Variants in TPBGL observed in about 807,000 individuals in gnomAD.
TPBGL encodes trophoblast glycoprotein-like.
For synonymous variants in TPBGL, 380 were observed against 314.8 expected (o/e 1.21, Z -2.19); for missense variants, 685 against 609.4 (o/e 1.12, Z -1.31).
In TPBGL at chr11:75,241,523, C is replaced by G; in HGVS notation, c.474C>G (p.Pro158=). ...QLNHALVRGG[P]ALLAALDAAL... ...ACCACGCGCTGGTGCGCGGCGGCCC[C>G]GCGCTGCTGGCCGCGCTGGACGCTG... Residue 158 remains proline, a synonymous_variant, in exon 1 of 1, where the codon CCC becomes CCG. Transcript: ENST00000562197. 8.2e-7 allele frequency: 1 copy of G among 1,215,766 alleles called. No homozygotes were observed. Among genetic ancestry groups the G allele is most frequent in the South Asian group, 2.9e-5 (1 of 34,544 alleles). 75.3% of individuals were successfully genotyped at this position (1,215,766 alleles called of 1,614,324 possible).
In TPBGL at chr11:75,241,010, G is replaced by A. The variant is rs146907924; in HGVS notation, c.-40G>A. Reference sequence around the variant, plus strand: ...CACCAGGCGCTCCCAACTCACTGGTGAGCGCGGCGGCCCGGGCGCTGGATG... The same window carrying A: ...CACCAGGCGCTCCCAACTCACTGGTAAGCGCGGCGGCCCGGGCGCTGGATG... On this transcript the variant is annotated 5_prime_UTR_variant, in exon 1 of 1. Transcript: ENST00000562197. The A allele has an allele frequency of 6.6e-4, 792 of 1,201,188 alleles. 8 individuals carry two copies. The African/African-American group carries it at 0.012, about 18-fold the overall frequency. The allele number at this position is 1,201,188 out of a possible 1,614,324, so 74.4% of individuals were successfully genotyped here.
In TPBGL at chr11:75,241,523, C is replaced by T; in HGVS notation, c.474C>T (p.Pro158=). ...QLNHALVRGG[P]ALLAALDAAL... Reference sequence around the variant, plus strand: ...ACCACGCGCTGGTGCGCGGCGGCCCCGCGCTGCTGGCCGCGCTGGACGCTG... The same window carrying T: ...ACCACGCGCTGGTGCGCGGCGGCCCTGCGCTGCTGGCCGCGCTGGACGCTG... Residue 158 remains proline, a synonymous_variant, in exon 1 of 1, where the codon CCC becomes CCT. Coordinates refer to ENST00000562197, the MANE Select transcript of TPBGL (RefSeq NM_001195528.2). 8.2e-7 allele frequency: 1 copy of T among 1,215,766 alleles called. No homozygotes were observed. Among genetic ancestry groups the T allele is most frequent in the Non-Finnish European group, 1.0e-6 (1 of 978,964 alleles). 75.3% of individuals were successfully genotyped at this position (1,215,766 alleles called of 1,614,324 possible).
chr11:75,241,670 G>A lies in TPBGL; in HGVS notation c.621G>A (p.Leu207=). 1 of 1,305,698 alleles carries A rather than the reference G, an allele frequency of 7.7e-7. No individual in the cohort carries two copies. The allele number at this position is 1,305,698 out of a possible 1,614,324, so 80.9% of individuals were successfully genotyped here. A position where few individuals can be genotyped will look rare whatever the true frequency, so the allele number is the denominator to read the frequency against. ...LEQLDVRLNA[L]AGLDPDELRA... is the part of the protein sequence containing the mutation. ...AGCTGGACGTGCGCCTCAACGCGCT[G>A]GCCGGCCTGGACCCCGACGAGCTGC... is the stretch of plus-strand genomic sequence containing the variant. Residue 207 remains leucine, a synonymous_variant, in exon 1 of 1, where the codon CTG becomes CTA. Transcript: ENST00000562197.
Position 75,241,521 on chromosome 11 carries a change from C to CCCGCGCTGCTGG in TPBGL, c.481_492dup (p.Leu161_Leu164dup). ...CAACCACGCGCTGGTGCGCGGCGGC[C>CCCGCGCTGCTGG]CCGCGCTGCTGGCCGCGCTGGACGC... On this transcript the variant is annotated inframe_insertion, in exon 1 of 1. Transcript: ENST00000562197. 8.2e-7 allele frequency: 1 copy of CCCGCGCTGCTGG among 1,216,662 alleles called. No individual in the cohort carries two copies. 75.4% of individuals were successfully genotyped at this position (1,216,662 alleles called of 1,614,324 possible).
In TPBGL at chr11:75,243,057, C is replaced by T. The variant is rs1195368986; in HGVS notation, c.*859C>T. 1 of 151,980 alleles carries T rather than the reference C, an allele frequency of 6.6e-6. No homozygotes were observed. Among genetic ancestry groups the T allele is most frequent in the African/African-American group, 2.4e-5 (1 of 41,320 alleles). 9.4% of individuals were successfully genotyped at this position (151,980 alleles called of 1,614,324 possible). On this transcript the variant is annotated 3_prime_UTR_variant, in exon 1 of 1. Transcript: ENST00000562197. ...ACCCAATGCTGGCACTCAGCACCCA[C>T]CCCTGCCATTCACTAGTCAAGGTCC...
At position 75,243,655 on chromosome 11, in the gene TPBGL, T is replaced by G. The variant is rs1945620939; in HGVS notation, c.*1457T>G. On this transcript the variant is annotated 3_prime_UTR_variant, in exon 1 of 1. Transcript: ENST00000562197. The stretch of plus-strand genomic sequence containing the variant: ...CCTCCCCATACCCAGAAAATCTGGA[T>G]CTCCCTTGAGCAGTTTTCTATAAAG... The G allele has an allele frequency of 1.3e-5, 2 of 152,178 alleles. No homozygotes were observed. The highest frequency in any genetic ancestry group is 2.9e-5 in the Non-Finnish European group (2 of 68,060). The allele number at this position is 152,178 out of a possible 1,614,324, so 9.4% of individuals were successfully genotyped here. A position where few individuals can be genotyped will look rare whatever the true frequency, so the allele number is the denominator to read the frequency against.
chr11:75,241,786 TG>T lies in TPBGL; in HGVS notation c.739del (p.Ala247ProfsTer25). The T allele has an allele frequency of 1.5e-6, 2 of 1,313,078 alleles. No homozygotes were observed. Among genetic ancestry groups the T allele is most frequent in the Non-Finnish European group, 1.9e-6 (2 of 1,030,372 alleles). The allele number at this position is 1,313,078 out of a possible 1,614,324, so 81.3% of individuals were successfully genotyped here. A position where few individuals can be genotyped will look rare whatever the true frequency, so the allele number is the denominator to read the frequency against. ...LRCGCAARPL[L>X]AWLRNATERV... ...TGCGGCTGTGCCGCACGCCCCCTGC[TG>T]GCCTGGCTGCGCAACGCCACGGAGC... On this transcript the variant is annotated frameshift_variant, in exon 1 of 1. Coordinates refer to ENST00000562197, the MANE Select transcript of TPBGL (RefSeq NM_001195528.2). LOFTEE classifies it low-confidence loss of function (END_TRUNC).
rs1316486240 is a variant in TPBGL, at chr11:75,240,932, C to G, written c.-118C>G. On this transcript the variant is annotated 5_prime_UTR_variant, in exon 1 of 1. Coordinates refer to ENST00000562197, the MANE Select transcript of TPBGL (RefSeq NM_001195528.2). The stretch of plus-strand genomic sequence containing the variant: ...CAGACTTTCGAGACAGCGAACGGAC[C>G]GACCGGGACTGCCAGCCGCTCCGGG... 1.4e-6 allele frequency: 1 copy of G among 698,726 alleles called. No individual in the cohort carries two copies. Among genetic ancestry groups the G allele is most frequent in the Non-Finnish European group, 1.9e-6 (1 of 519,058 alleles). The allele number at this position is 698,726 out of a possible 1,614,324, so 43.3% of individuals were successfully genotyped here.
In TPBGL at chr11:75,242,529, G is replaced by C. The variant is rs59905687; in HGVS notation, c.*331G>C. ...CCCTGTGCTTGGAGCTCCGACACCC[G>C]AGACTGCACTGACCTCCCTCGCCAG... On this transcript the variant is annotated 3_prime_UTR_variant, in exon 1 of 1. Coordinates refer to ENST00000562197, the MANE Select transcript of TPBGL (RefSeq NM_001195528.2). 6.4e-6 allele frequency: 1 copy of C among 155,624 alleles called. No homozygotes were observed. Among genetic ancestry groups the C allele is most frequent in the African/African-American group, 2.4e-5 (1 of 41,488 alleles). 9.6% of individuals were successfully genotyped at this position (155,624 alleles called of 1,614,324 possible). A position where few individuals can be genotyped will look rare whatever the true frequency, so the allele number is the denominator to read the frequency against.
rs1299382710 is a variant in TPBGL, at chr11:75,242,505, C to A, written c.*307C>A. ...AAGCTCTGAGACTTGCCCCCAGCACCCTGTGCTTGGAGCTCCGACACCCGA... is the reference window on the plus strand; with the variant it reads ...AAGCTCTGAGACTTGCCCCCAGCACACTGTGCTTGGAGCTCCGACACCCGA... On this transcript the variant is annotated 3_prime_UTR_variant, in exon 1 of 1. Coordinates refer to ENST00000562197, the MANE Select transcript of TPBGL (RefSeq NM_001195528.2). 1 of 165,534 alleles carries A rather than the reference C, an allele frequency of 6.0e-6. No individual in the cohort carries two copies. The highest frequency in any genetic ancestry group is 1.3e-5 in the Non-Finnish European group (1 of 79,366). The allele number at this position is 165,534 out of a possible 1,614,324, so 10.3% of individuals were successfully genotyped here.
chr11:75,242,128 AC>A lies in TPBGL; in HGVS notation c.1082del (p.Pro361ArgfsTer49). The A allele has an allele frequency of 8.1e-7, 1 of 1,239,982 alleles. No individual in the cohort carries two copies. The allele number at this position is 1,239,982 out of a possible 1,614,324, so 76.8% of individuals were successfully genotyped here. On this transcript the variant is annotated frameshift_variant, in exon 1 of 1. Transcript: ENST00000562197. LOFTEE classifies it high-confidence loss of function. ...GYHYRYEQDADPRRAPAPAAP... is the reference protein window; with the variant it reads ...GYHYRYEQDAXPRRAPAPAAP... Reference sequence around the variant, plus strand: ...CACTACCGCTACGAGCAGGACGCCGACCCGCGCCGCGCGCCCGCGCCCGCCG... The same window carrying A: ...CACTACCGCTACGAGCAGGACGCCGACCGCGCCGCGCGCCCGCGCCCGCCG...
chr11:75,242,084 G>C lies in TPBGL; in HGVS notation c.1035G>C (p.Arg345=). ...RWMRNLREAC[R]DQMEGYHYRY... ...TGCGCAACCTGCGCGAGGCGTGCCGGGACCAGATGGAGGGCTACCACTACC... is the reference window on the plus strand; with the variant it reads ...TGCGCAACCTGCGCGAGGCGTGCCGCGACCAGATGGAGGGCTACCACTACC... The change falls in exon 1 of 1, where the codon CGG becomes CGC. Residue 345 remains arginine (R), a synonymous_variant. Transcript: ENST00000562197. 2.1e-6 allele frequency: 3 copies of C among 1,434,234 alleles called. No individual in the cohort carries two copies. Among genetic ancestry groups the C allele is most frequent in the Non-Finnish European group, 1.8e-6 (2 of 1,089,720 alleles). 88.8% of individuals were successfully genotyped at this position (1,434,234 alleles called of 1,614,324 possible). A position where few individuals can be genotyped will look rare whatever the true frequency, so the allele number is the denominator to read the frequency against.
rs898071215 is a variant in TPBGL at position 75,242,407 on chromosome 11, A to G, written c.*209A>G. The G allele has an allele frequency of 2.1e-6, 1 of 470,422 alleles. No individual in the cohort carries two copies. The highest frequency in any genetic ancestry group is 2.1e-5 in the African/African-American group (1 of 46,912). The allele number at this position is 470,422 out of a possible 1,614,324, so 29.1% of individuals were successfully genotyped here. On this transcript the variant is annotated 3_prime_UTR_variant, in exon 1 of 1. Coordinates refer to ENST00000562197, the MANE Select transcript of TPBGL (RefSeq NM_001195528.2). Reference sequence around the variant, plus strand: ...CCGCCTGCCCACCCTAGTTTCCGAAACCTCCCTCCTGAACCACTGAAAGTC... The same window carrying G: ...CCGCCTGCCCACCCTAGTTTCCGAAGCCTCCCTCCTGAACCACTGAAAGTC...
In TPBGL at chr11:75,241,832, C is replaced by CCTGCG. The variant is rs1945602518; in HGVS notation, c.790_794dup (p.Arg268ProfsTer6). 7.8e-7 allele frequency: 1 copy of CCTGCG among 1,285,138 alleles called. No homozygotes were observed. The highest frequency in any genetic ancestry group is 9.8e-7 in the Non-Finnish European group (1 of 1,021,752). The allele number at this position is 1,285,138 out of a possible 1,614,324, so 79.6% of individuals were successfully genotyped here. A position where few individuals can be genotyped will look rare whatever the true frequency, so the allele number is the denominator to read the frequency against. On this transcript the variant is annotated frameshift_variant, in exon 1 of 1. Coordinates refer to ENST00000562197, the MANE Select transcript of TPBGL (RefSeq NM_001195528.2). LOFTEE classifies it low-confidence loss of function (END_TRUNC). ...CGGAGCGCGTGCCCGACTCGCGGCGCCTGCGCTGCGCCGCCCCGCGGGCGC... is the reference window on the plus strand; with the variant it reads ...CGGAGCGCGTGCCCGACTCGCGGCGCCTGCGCTGCGCTGCGCCGCCCCGCGGGCGC...
chr11:75,241,689 G>T lies in TPBGL; in HGVS notation c.640G>T (p.Glu214Ter). Residue 214 changes from glutamate to a stop codon, truncating the protein, a stop_gained, in exon 1 of 1, where the codon GAG (glutamate) becomes TAG (stop). Coordinates refer to ENST00000562197, the MANE Select transcript of TPBGL (RefSeq NM_001195528.2). LOFTEE classifies it low-confidence loss of function (END_TRUNC). ...CGCGCTGGCCGGCCTGGACCCCGAC[G>T]AGCTGCGCGCGCTGGAGCGCGATGG... Reference protein sequence around the residue: ...LNALAGLDPDELRALERDGGL... With the variant: ...LNALAGLDPD 7.8e-7 allele frequency: 1 copy of T among 1,274,870 alleles called. No homozygotes were observed. Among genetic ancestry groups the T allele is most frequent in the South Asian group, 2.0e-5 (1 of 50,852 alleles). The allele number at this position is 1,274,870 out of a possible 1,614,324, so 79.0% of individuals were successfully genotyped here.
chr11:75,243,219 G>A lies in TPBGL; in HGVS notation c.*1021G>A, dbSNP rs1030341254. 1.5e-4 allele frequency: 23 copies of A among 152,400 alleles called. No individual in the cohort carries two copies. The highest frequency in any genetic ancestry group is 5.5e-4 in the African/African-American group (23 of 41,540). The allele number at this position is 152,400 out of a possible 1,614,324, so 9.4% of individuals were successfully genotyped here. ...TCCTTGTAGGGAAGGAGAGAGTCTT[G>A]GGTGTGTGAAAGGGATAGTGGGGCA... On this transcript the variant is annotated 3_prime_UTR_variant, in exon 1 of 1. Coordinates refer to ENST00000562197, the MANE Select transcript of TPBGL (RefSeq NM_001195528.2).
chr11:75,241,514 C>T lies in TPBGL; in HGVS notation c.465C>T (p.Arg155=), dbSNP rs1235893010. The T allele has an allele frequency of 3.3e-6, 4 of 1,213,620 alleles. No homozygotes were observed. Among genetic ancestry groups the T allele is most frequent in the Admixed American group, 4.6e-5 (1 of 21,868 alleles). 75.2% of individuals were successfully genotyped at this position (1,213,620 alleles called of 1,614,324 possible). A position where few individuals can be genotyped will look rare whatever the true frequency, so the allele number is the denominator to read the frequency against. The change falls in exon 1 of 1, where the codon CGC becomes CGT. Residue 155 remains arginine, a synonymous_variant. Coordinates refer to ENST00000562197, the MANE Select transcript of TPBGL (RefSeq NM_001195528.2). ...TGCAGCTCAACCACGCGCTGGTGCG[C>T]GGCGGCCCCGCGCTGCTGGCCGCGC... ...RSLQLNHALV[R]GGPALLAALD...
rs971412290 is a variant in TPBGL at position 75,241,703 on chromosome 11, G to A, written c.654G>A (p.Leu218=). The A allele has an allele frequency of 5.5e-6, 7 of 1,266,480 alleles. No homozygotes were observed. The highest frequency in any genetic ancestry group is 7.0e-6 in the Non-Finnish European group (7 of 1,004,574). The allele number at this position is 1,266,480 out of a possible 1,614,324, so 78.5% of individuals were successfully genotyped here. A position where few individuals can be genotyped will look rare whatever the true frequency, so the allele number is the denominator to read the frequency against. The change falls in exon 1 of 1, where the codon CTG becomes CTA. Residue 218 remains leucine (L), a synonymous_variant. Coordinates refer to ENST00000562197, the MANE Select transcript of TPBGL (RefSeq NM_001195528.2). Reference sequence around the variant, plus strand: ...TGGACCCCGACGAGCTGCGCGCGCTGGAGCGCGATGGCGGCCTCCCCGGGC... The same window carrying A: ...TGGACCCCGACGAGCTGCGCGCGCTAGAGCGCGATGGCGGCCTCCCCGGGC... ...AGLDPDELRA[L]ERDGGLPGPR... is the part of the protein sequence containing the mutation.
Position 75,241,807 on chromosome 11 carries a change from C to A in TPBGL, c.758C>A (p.Thr253Lys). ...RPLLAWLRNATERVPDSRRLR... is the reference protein window; with the variant it reads ...RPLLAWLRNAKERVPDSRRLR... ...CTGCTGGCCTGGCTGCGCAACGCCA[C>A]GGAGCGCGTGCCCGACTCGCGGCGC... The change falls in exon 1 of 1, where the codon ACG becomes AAG. Residue 253 changes from threonine (T) to lysine (K), a missense_variant. Thr to Lys is a moderately conservative substitution (Grantham distance 78). Transcript: ENST00000562197. The A allele has an allele frequency of 1.5e-6, 2 of 1,302,248 alleles. No individual in the cohort carries two copies. The highest frequency in any genetic ancestry group is 2.0e-5 in the South Asian group (1 of 49,240). The allele number at this position is 1,302,248 out of a possible 1,614,324, so 80.7% of individuals were successfully genotyped here.
Sources: allele counts gnomAD v4.1 joint callset, GRCh38; gene constraint gnomAD v4.1.1; transcripts MANE v1.5; gene names NCBI Gene and HGNC (gene_info 2026-07-23, HGNC 2026-07-21).